The following ZC3H12B variants were observed in gnomAD, a reference collection of about 807,000 sequenced individuals.
ZC3H12B encodes the protein zinc finger CCCH-type containing 12B.
A neutral mutation model predicts 43.9 loss-of-function variants in ZC3H12B; 7 were observed. That is an observed-to-expected ratio of 0.16 (90% CI 0.09 to 0.30). The LOEUF is 0.30. ZC3H12B is among the 10% of genes least tolerant of loss of function. The pLI, the probability that ZC3H12B is intolerant of heterozygous loss-of-function variation, is 1.00. For synonymous variants in ZC3H12B, 222 were observed against 241.7 expected, an observed-to-expected ratio of 0.92 and a Z score of 0.76; for missense variants, 475 against 670.2, an observed-to-expected ratio of 0.71 and a Z score of 3.22.
chrX:65,255,479 A>G, the ZC3H12B span, among the ~76,000 whole-genome samples: 1 of 112,249 alleles, frequency 8.9e-6, no homozygotes, highest in Non-Finnish European at 1.9e-5. Flanking sequence ...TCTTTTGAGA[A>G]AAGCAAATAC....
intron 2 of ZC3H12B, among the ~76,000 whole-genome samples, chrX:65,373,909 T>TATA (rs1412172865): frequency 1.0e-3 from 1 of 981 alleles, no homozygotes; most frequent in African/African-American, 2.0e-3. Context: ...ATATATATAG[T>TATA]TATATATATA....
At chrX:65,113,997 ATATATAT>A in the ZC3H12B span, among the ~76,000 whole-genome samples, 1 of 34,314 alleles carries the variant, frequency 2.9e-5, no homozygotes, top group African/African-American at 1.2e-4. Context: ...ATATATATAT[ATATATAT>A]ATATATATAT....
the ZC3H12B span, among the ~76,000 whole-genome samples, chrX:65,267,402 C>T: frequency 9.2e-6 from 1 of 108,750 alleles, no homozygotes; most frequent in African/African-American, 3.4e-5. Flanking sequence ...AGGGAGTGAA[C>T]CTAAGTTCCA....
chrX:65,254,079 C>T, the ZC3H12B span, among the ~76,000 whole-genome samples: 5 of 112,186 alleles, frequency 4.5e-5, no homozygotes, highest in South Asian at 1.9e-3. Flanking sequence ...CGTGCACTGC[C>T]ATTGCTGCCA....
the ZC3H12B span, among the ~76,000 whole-genome samples, chrX:65,188,397 TATTC>T: frequency 9.4e-6 from 1 of 106,240 alleles, no homozygotes; most frequent in Non-Finnish European, 1.9e-5. Flanking sequence ...TTCAAACTAT[TATTC>T]ATAGCGGTTT....
intron 3 of ZC3H12B, among the ~76,000 whole-genome samples, chrX:65,444,858 T>C (rs1260499633): frequency 8.9e-6 from 1 of 112,092 alleles, no homozygotes; most frequent in East Asian, 2.8e-4. Flanking sequence ...TGAGGCTATC[T>C]TCTATATCTT....
At chrX:65,096,908 A>C in the ZC3H12B span, among the ~76,000 whole-genome samples, 1 of 111,594 alleles carries the variant, frequency 9.0e-6, no homozygotes, top group Admixed American at 9.5e-5. Flanking sequence ...ACATAAACAA[A>C]AGTTCTGTGG....
chrX:65,127,959 G>T, the ZC3H12B span, among the ~76,000 whole-genome samples: 2 of 111,784 alleles, frequency 1.8e-5, no homozygotes, highest in African/African-American at 6.5e-5. Context: ...GAGCCTCCTC[G>T]TTGAAAAAGC....
the ZC3H12B span, among the ~76,000 whole-genome samples, chrX:65,167,198 C>G: frequency 9.0e-6 from 1 of 111,648 alleles, no homozygotes; most frequent in Non-Finnish European, 1.9e-5. Context: ...AGTCTTTAAT[C>G]CATCTTGAAT....
chrX:65,136,140 C>T, the ZC3H12B span, among the ~76,000 whole-genome samples: 1 of 111,269 alleles, frequency 9.0e-6, no homozygotes, highest in African/African-American at 3.3e-5. Context: ...TGTGATGAGA[C>T]TTTGGGCCTT....
chrX:65,322,295 G>A, the ZC3H12B span, among the ~76,000 whole-genome samples: 4 of 111,734 alleles, frequency 3.6e-5, no homozygotes. Flanking sequence ...CTATTCATTA[G>A]GAATCTGCCC....
intron 3 of ZC3H12B, among the ~76,000 whole-genome samples, chrX:65,472,799 C>T (rs1283528429): frequency 1.0e-4 from 8 of 78,259 alleles, no homozygotes; most frequent in South Asian, 6.2e-4. Flanking sequence ...ATGCTTGTAC[C>T]ATACTGTTTT....
chrX:65,440,951 A>C (rs1377541151), intron 3 of ZC3H12B, among the ~76,000 whole-genome samples: 3 of 112,478 alleles, frequency 2.7e-5, no homozygotes, highest in Non-Finnish European at 5.6e-5. Flanking sequence ...AACCATTTTA[A>C]AAGTATAGGT....
At chrX:65,059,317 T>G in the ZC3H12B span, among the ~76,000 whole-genome samples, 197 of 109,139 alleles carry the variant, frequency 1.8e-3, no homozygotes, top group Non-Finnish European at 3.3e-3. Flanking sequence ...TCCTGGAGAT[T>G]TTCCCCAATG....
chrX:65,118,013 T>A, the ZC3H12B span, among the ~76,000 whole-genome samples: 1 of 111,887 alleles, frequency 8.9e-6, no homozygotes, highest in Non-Finnish European at 1.9e-5. Flanking sequence ...CCAGCTTTGT[T>A]CTTTTAGCTT....
the ZC3H12B span, among the ~76,000 whole-genome samples, chrX:65,105,252 G>A: frequency 6.4e-5 from 7 of 109,548 alleles, no homozygotes; most frequent in South Asian, 8.2e-4. Flanking sequence ...AGGGCCTGTC[G>A]GGGGGTGGGG....
At chrX:65,323,103 T>A in the ZC3H12B span, among the ~76,000 whole-genome samples, 1 of 112,102 alleles carries the variant, frequency 8.9e-6, no homozygotes, top group Non-Finnish European at 1.9e-5. Flanking sequence ...CAGCAACTAT[T>A]TAACTTCTTT....
At chrX:65,365,966 GA>G (rs2147971253), upstream of ZC3H12B, among the ~76,000 whole-genome samples, 1 of 109,886 alleles carries the variant, frequency 9.1e-6, no homozygotes, top group South Asian at 3.9e-4. Flanking sequence ...CAGCCTAGTT[GA>G]AAAACAAAAA....
chrX:65,453,725 TCA>T (rs920684992), intron 3 of ZC3H12B, among the ~76,000 whole-genome samples: 39 of 108,884 alleles, frequency 3.6e-4, no homozygotes, highest in African/African-American at 1.2e-3. Context: ...TGAGACCATG[TCA>T]CACACACACA....
Sources: allele counts gnomAD v4.1 joint callset (sites outside exome capture counted in the v4.1 genomes callset), GRCh38; gene constraint gnomAD v4.1.1; transcripts MANE v1.5; gene names NCBI Gene and HGNC (gene_info 2026-07-23, HGNC 2026-07-21).